BEGAIN: variants seen among roughly 807,000 people sequenced by gnomAD.
BEGAIN encodes brain-enriched guanylate kinase-associated protein.
Under a neutral mutation model 35.8 loss-of-function variants are expected in BEGAIN, and 19 were observed. That is an observed-to-expected ratio of 0.53 (90% CI 0.37 to 0.78). BEGAIN has a LOEUF of 0.78. Among genes scored for constraint, BEGAIN ranks in the 30% least tolerant of loss-of-function variants. BEGAIN has a pLI of 0.00. For missense variants in BEGAIN, 795 were observed against 853.6 expected (o/e 0.93, Z 0.85); for synonymous variants, 462 against 388.6 (o/e 1.19, Z -2.22).
In BEGAIN at chr14:100,563,004, G is replaced by C. The variant is rs1236564775; in HGVS notation, c.71+4907C>G. ...GCCGGCTCACGGGGCCCACGCGGGA[G>C]ACTTGGGTGGGAGAGGGTGCCCTTT... On this transcript the variant is annotated intron_variant, in intron 2 of 6. Transcript: ENST00000554140. The surrounding 1 kb of genome is among the most constrained non-coding windows in gnomAD (Gnocchi z 4.2). Among the ~76,000 whole-genome samples the C allele has an allele frequency of 6.6e-6, 1 of 152,232 alleles. No individual in the cohort carries two copies. The highest frequency in any genetic ancestry group is 1.5e-5 in the Non-Finnish European group (1 of 68,038).
At chr14:100,557,237 G>A (rs1033987624) in intron 2 of BEGAIN, among the ~76,000 whole-genome samples, 2 of 152,254 alleles carry the variant, frequency 1.3e-5, no homozygotes, top group Non-Finnish European at 2.9e-5. Flanking sequence ...GAGAGGAGAT[G>A]GTCAGGGAGC....
At chr14:100,544,433 A>G (rs762121008) in intron 4 of BEGAIN, among the ~76,000 whole-genome samples, 15 of 152,334 alleles carry the variant, frequency 9.8e-5, no homozygotes, top group Admixed American at 2.0e-4. Context: ...TTCAAAACCA[A>G]AATGAGCTGG....
chr14:100,582,301 T>C (rs1013090180), intron 1 of BEGAIN, among the ~76,000 whole-genome samples: 2 of 152,094 alleles, frequency 1.3e-5, no homozygotes, highest in Admixed American at 6.5e-5. Context: ...CGCACCACCA[T>C]GCCCAGCTAA....
rs1304148772 is a variant in BEGAIN, at chr14:100,539,005, G to A, written c.803C>T (p.Ala268Val). ...RRRDRRPSVD[A>V]PVTDVGFLRA... ...CAGGAAGCCCACGTCGGTCACGGGC[G>A]CGTCCACGCTAGGCCGCCGGTCTCG... is the stretch of plus-strand genomic sequence containing the variant. Residue 268 changes from alanine to valine, a missense_variant, in exon 7 of 7, where the codon GCG becomes GTG. This residue lies in a region of BEGAIN where 664 missense variants were observed against 647.7 expected (regional missense o/e 1.03). Coordinates refer to ENST00000554140, the MANE Select transcript of BEGAIN (RefSeq NM_001385089.1). The A allele has an allele frequency of 6.2e-6, 10 of 1,610,396 alleles. No individual in the cohort carries two copies. The highest frequency in any genetic ancestry group is 4.0e-5 in the African/African-American group (3 of 74,892).
At chr14:100,566,607 G>A (rs1942802763) in intron 2 of BEGAIN, among the ~76,000 whole-genome samples, 1 of 152,198 alleles carries the variant, frequency 6.6e-6, no homozygotes, top group African/African-American at 2.4e-5. Flanking sequence ...CCTGAGTTTG[G>A]GCCTGAGGTC....
chr14:100,553,979 G>A (rs369500825), intron 2 of BEGAIN, among the ~76,000 whole-genome samples: 1 of 152,146 alleles, frequency 6.6e-6, no homozygotes, highest in Non-Finnish European at 1.5e-5. Context: ...TTAGGGTCAG[G>A]GCTGGAGCCC....
At chr14:100,577,990 C>T (rs1229542110) in intron 1 of BEGAIN, 1 of 399,186 alleles carries the variant, frequency 2.5e-6, no homozygotes, top group East Asian at 3.6e-5. Context: ...TCCCCAAGAG[C>T]GCCGTCACCC....
intron 1 of BEGAIN, among the ~76,000 whole-genome samples, chr14:100,576,707 C>A (rs1448467025): frequency 6.6e-6 from 1 of 152,162 alleles, no homozygotes; most frequent in Non-Finnish European, 1.5e-5. Context: ...GGTGGGGGTG[C>A]CAGCCCCTGG....
intron 1 of BEGAIN, among the ~76,000 whole-genome samples, chr14:100,583,979 G>A (rs542593625): frequency 3.3e-5 from 5 of 152,276 alleles, no homozygotes; most frequent in Admixed American, 3.3e-4. Flanking sequence ...GATTACAGGC[G>A]TGAGCCGCTG....
chr14:100,571,563 T>G (rs537521083), intron 1 of BEGAIN, among the ~76,000 whole-genome samples: 1 of 152,298 alleles, frequency 6.6e-6, no homozygotes, highest in South Asian at 2.1e-4. Context: ...GGCAAGAGCT[T>G]GGAGATTTGG....
chr14:100,567,870 C>A lies in BEGAIN; in HGVS notation c.71+41G>T, dbSNP rs1434786882. 1.4e-6 allele frequency: 2 copies of A among 1,462,456 alleles called. No individual in the cohort carries two copies. The highest frequency in any genetic ancestry group is 3.1e-5 in the East Asian group (1 of 31,902). 90.6% of individuals were successfully genotyped at this position (1,462,456 alleles called of 1,614,324 possible). A position where few individuals can be genotyped will look rare whatever the true frequency, so the allele number is the denominator to read the frequency against. On this transcript the variant is annotated intron_variant, in intron 2 of 6. Coordinates refer to ENST00000554140, the MANE Select transcript of BEGAIN (RefSeq NM_001385089.1). The surrounding 1 kb of genome is among the most constrained non-coding windows in gnomAD (Gnocchi z 5.1). ...CTTCCCCAGCGCCCTCACCCCCGAC[C>A]CGGCCCCCGCGAGCCGCGGCACGGG... is the stretch of plus-strand genomic sequence containing the variant.
rs1488450390 is a variant in BEGAIN at position 100,586,669 on chromosome 14, C to T, written c.42+580G>A. On this transcript the variant is annotated intron_variant, in intron 1 of 6. Transcript: ENST00000554140. This position sits in a 1 kb window ranked among gnomAD's most constrained non-coding sequence, Gnocchi z 4.9. The stretch of plus-strand genomic sequence containing the variant: ...CCTCCCTGAGCCTCAGTTTCCTCGC[C>T]TGTAAAGGGGCAGGAGGATAGTACC... Among the ~76,000 whole-genome samples the T allele has an allele frequency of 6.6e-6, 1 of 152,204 alleles. No homozygotes were observed. The highest frequency in any genetic ancestry group is 2.4e-5 in the African/African-American group (1 of 41,462).
In BEGAIN at chr14:100,567,833, C is replaced by G. The variant is rs2034835728; in HGVS notation, c.71+78G>C. 6 of 1,398,702 alleles carry G rather than the reference C, an allele frequency of 4.3e-6. No individual in the cohort carries two copies. Among genetic ancestry groups the G allele is most frequent in the Non-Finnish European group, 5.7e-6 (6 of 1,051,564 alleles). 86.6% of individuals were successfully genotyped at this position (1,398,702 alleles called of 1,614,324 possible). A position where few individuals can be genotyped will look rare whatever the true frequency, so the allele number is the denominator to read the frequency against. ...CTGGGGGATGCGCTCGGGTGGAGCC[C>G]CCTTCCCCCGCCTTCCCCAGCGCCC... On this transcript the variant is annotated intron_variant, in intron 2 of 6. Coordinates refer to ENST00000554140, the MANE Select transcript of BEGAIN (RefSeq NM_001385089.1). The surrounding 1 kb of genome is among the most constrained non-coding windows in gnomAD (Gnocchi z 5.1).
chr14:100,561,215 A>G (rs1459929140), intron 2 of BEGAIN, among the ~76,000 whole-genome samples: 1 of 152,170 alleles, frequency 6.6e-6, no homozygotes, highest in Non-Finnish European at 1.5e-5. Flanking sequence ...AGAGACCCTC[A>G]GAGGGCCCCA....
rs1421861615 is a variant in BEGAIN, at chr14:100,573,482, G to A, written c.43-5543C>T. 6.6e-6 allele frequency among the ~76,000 whole-genome samples: 1 copy of A among 152,156 alleles called. No homozygotes were observed. Among genetic ancestry groups the A allele is most frequent in the Non-Finnish European group, 1.5e-5 (1 of 67,996 alleles). ...CATGAGGTGGATGGGAGCCCCTGGA[G>A]GGATGAATGGGGGCGTCTCTGGCAC... On this transcript the variant is annotated intron_variant, in intron 1 of 6. Coordinates refer to ENST00000554140, the MANE Select transcript of BEGAIN (RefSeq NM_001385089.1). The surrounding 1 kb of genome is among the most constrained non-coding windows in gnomAD (Gnocchi z 4.2).
At chr14:100,548,747 G>T (rs1474290219) in intron 2 of BEGAIN, 5 of 152,202 alleles carry the variant, frequency 3.3e-5, no homozygotes, top group Admixed American at 6.5e-5. Flanking sequence ...AGCTAGGCAG[G>T]GATTCTCCAC....
At position 100,558,864 on chromosome 14, in the gene BEGAIN, C is replaced by A. The variant is rs910508381; in HGVS notation, c.71+9047G>T. 6.6e-6 allele frequency among the ~76,000 whole-genome samples: 1 copy of A among 152,216 alleles called. No individual in the cohort carries two copies. The highest frequency in any genetic ancestry group is 6.5e-5 in the Admixed American group (1 of 15,288). On this transcript the variant is annotated intron_variant, in intron 2 of 6. Coordinates refer to ENST00000554140, the MANE Select transcript of BEGAIN (RefSeq NM_001385089.1). The surrounding 1 kb of genome is among the most constrained non-coding windows in gnomAD (Gnocchi z 4.6). ...CAGCCCGAGACCTCCTTGAAACCAA[C>A]GTCAGACCCATCCTTGGGGAGGTGG...
intron 5 of BEGAIN, among the ~76,000 whole-genome samples, chr14:100,543,623 C>T (rs2031963012): frequency 1.3e-5 from 2 of 152,214 alleles, no homozygotes; most frequent in African/African-American, 4.8e-5. Flanking sequence ...TTTAAGGACA[C>T]CCTTGGCGTC....
chr14:100,540,976 C>T lies in BEGAIN; in HGVS notation c.409-397G>A, dbSNP rs7493021. ...GCTCTCGGCGTCCTTCCAAAGATGA[C>T]GGGGTGGGAGTGCCAGGCAGGAATG... On this transcript the variant is annotated intron_variant, in intron 5 of 6. Coordinates refer to ENST00000554140, the MANE Select transcript of BEGAIN (RefSeq NM_001385089.1). Among the ~76,000 whole-genome samples the T allele has an allele frequency of 5.9e-5, 9 of 152,200 alleles. 1 individual carries two copies. Among genetic ancestry groups the T allele is most frequent in the East Asian group, 1.9e-4 (1 of 5,188 alleles).
Sources: allele counts gnomAD v4.1 joint callset (sites outside exome capture counted in the v4.1 genomes callset), GRCh38; gene constraint gnomAD v4.1.1; regional missense constraint gnomAD v4.1.1; non-coding constraint Gnocchi (gnomAD v3.1); transcripts MANE v1.5; gene names NCBI Gene and HGNC (gene_info 2026-07-23, HGNC 2026-07-21).